Variants in LRRC4C observed in about 807,000 individuals in gnomAD.
LRRC4C encodes leucine-rich repeat-containing protein 4C.
In LRRC4C, 5 loss-of-function variants were observed where a neutral mutation model predicts 33.6. That is an observed-to-expected ratio of 0.15 (90% CI 0.08 to 0.31). LRRC4C has a LOEUF of 0.31. LRRC4C is among the 10% of genes least tolerant of loss of function. The pLI is 1.00. For missense variants in LRRC4C, 560 were observed against 796.7 expected, an observed-to-expected ratio of 0.70 and a Z score of 3.58; for synonymous variants, 329 against 302.0, an observed-to-expected ratio of 1.09 and a Z score of -0.93.
intron 2 of LRRC4C, among the ~76,000 whole-genome samples, chr11:40,859,851 CG>C (rs1302191287): frequency 6.6e-6 from 1 of 151,952 alleles, no homozygotes; most frequent in African/African-American, 2.4e-5. Flanking sequence ...CCGAGGCGGG[CG>C]GATCGCGAGG....
At chr11:40,571,166 C>T (rs1957968752) in intron 3 of LRRC4C, among the ~76,000 whole-genome samples, 1 of 152,000 alleles carries the variant, frequency 6.6e-6, no homozygotes, top group African/African-American at 2.4e-5. Flanking sequence ...ATTTTATAAA[C>T]AGCATATACA....
chr11:40,519,615 G>A (rs74384456), intron 3 of LRRC4C, among the ~76,000 whole-genome samples: 2 of 152,228 alleles, frequency 1.3e-5, no homozygotes, highest in African/African-American at 2.4e-5. Flanking sequence ...CTATTTAGAT[G>A]ACTAACTGTC....
intron 1 of LRRC4C, among the ~76,000 whole-genome samples, chr11:41,065,839 C>G (rs1938193645): frequency 6.6e-6 from 1 of 152,140 alleles, no homozygotes. Context: ...AGAAGAAAAA[C>G]TAACACAGAG....
chr11:41,351,949 C>A (rs751682076), intron 1 of LRRC4C, among the ~76,000 whole-genome samples: 13 of 152,250 alleles, frequency 8.5e-5, no homozygotes, highest in Non-Finnish European at 1.5e-4. Flanking sequence ...ATGACTGACA[C>A]TAAAAAGCAA....
At chr11:40,575,791 G>A (rs943296057) in intron 3 of LRRC4C, among the ~76,000 whole-genome samples, 2 of 152,040 alleles carry the variant, frequency 1.3e-5, no homozygotes, top group Non-Finnish European at 2.9e-5. Flanking sequence ...TATTTAAATA[G>A]GAATATACAA....
chr11:40,837,981 A>G (rs996027373), intron 2 of LRRC4C, among the ~76,000 whole-genome samples: 1 of 152,222 alleles, frequency 6.6e-6, no homozygotes, highest in African/African-American at 2.4e-5. Flanking sequence ...AAAAAATACC[A>G]TTGAAAATAA....
At chr11:41,428,440 G>A (rs914294064) in intron 1 of LRRC4C, among the ~76,000 whole-genome samples, 12 of 151,984 alleles carry the variant, frequency 7.9e-5, no homozygotes, top group African/African-American at 1.2e-4. Context: ...ACAAAAAAAC[G>A]TATTTTTTTT....
At chr11:40,145,135 T>C (rs147141493) in intron 5 of LRRC4C, among the ~76,000 whole-genome samples, 99 of 152,310 alleles carry the variant, frequency 6.5e-4, no homozygotes, top group African/African-American at 2.2e-3. Flanking sequence ...AATAAATGTT[T>C]CTTGAATAAG....
At chr11:41,190,451 G>A (rs1487744106) in intron 1 of LRRC4C, among the ~76,000 whole-genome samples, 1 of 152,124 alleles carries the variant, frequency 6.6e-6, no homozygotes, top group African/African-American at 2.4e-5. Flanking sequence ...CTCGGGCAGG[G>A]TTTTATTCAT....
At chr11:40,725,289 G>A (rs1473040232) in intron 2 of LRRC4C, among the ~76,000 whole-genome samples, 4 of 152,072 alleles carry the variant, frequency 2.6e-5, no homozygotes, top group African/African-American at 7.2e-5. Context: ...GGTGGATCAC[G>A]AGGTCAGGAG....
At chr11:41,057,382 C>T (rs537302979) in intron 1 of LRRC4C, among the ~76,000 whole-genome samples, 1 of 152,278 alleles carries the variant, frequency 6.6e-6, no homozygotes, top group East Asian at 1.9e-4. Flanking sequence ...TCTGCACTGG[C>T]CTGCAGATAC....
intron 1 of LRRC4C, among the ~76,000 whole-genome samples, chr11:41,416,783 G>A (rs11036394): frequency 0.046 from 6,987 of 151,960 alleles, 515 homozygotes; most frequent in African/African-American, 0.16. Context: ...ACTTCATAGC[G>A]CTGCTATGAG....
chr11:41,114,073 C>T (rs139831257), intron 1 of LRRC4C, among the ~76,000 whole-genome samples: 11 of 152,040 alleles, frequency 7.2e-5, no homozygotes, highest in African/African-American at 2.4e-4. Context: ...CTTTTCTGAA[C>T]TCTCGAAAAT....
chr11:40,971,614 C>T (rs1851734236), intron 1 of LRRC4C, among the ~76,000 whole-genome samples: 1 of 152,230 alleles, frequency 6.6e-6, no homozygotes, highest in Non-Finnish European at 1.5e-5. Flanking sequence ...CACAGAGTTC[C>T]CACTGGGGTA....
At chr11:41,146,781 A>G (rs967946865) in intron 1 of LRRC4C, among the ~76,000 whole-genome samples, 2 of 152,254 alleles carry the variant, frequency 1.3e-5, no homozygotes, top group Admixed American at 1.3e-4. Flanking sequence ...AAAAAAATAC[A>G]TAGCCAGGCA....
chr11:40,182,936 A>G (rs1366519906), intron 5 of LRRC4C, among the ~76,000 whole-genome samples: 1 of 152,106 alleles, frequency 6.6e-6, no homozygotes, highest in East Asian at 1.9e-4. Context: ...CTCTCATTTT[A>G]TGGTTTAAAA....
chr11:40,381,860 T>G (rs2137353804), intron 3 of LRRC4C, among the ~76,000 whole-genome samples: 1 of 151,502 alleles, frequency 6.6e-6, no homozygotes, highest in South Asian at 2.1e-4. Context: ...ATTGTGTAAA[T>G]AATCAATTCC....
At chr11:41,316,270 A>AC (rs980385770) in intron 1 of LRRC4C, among the ~76,000 whole-genome samples, 8 of 150,144 alleles carry the variant, frequency 5.3e-5, no homozygotes, top group South Asian at 2.1e-4. Flanking sequence ...GGCAAAAAAA[A>AC]AAAAAAAAAC....
intron 5 of LRRC4C, among the ~76,000 whole-genome samples, chr11:40,195,129 G>T (rs1355877841): frequency 6.6e-6 from 1 of 151,962 alleles, no homozygotes; most frequent in Non-Finnish European, 1.5e-5. Context: ...AAAAAGGAAG[G>T]CTGCAACTCA....
Sources: allele counts gnomAD v4.1 joint callset (sites outside exome capture counted in the v4.1 genomes callset), GRCh38; gene constraint gnomAD v4.1.1; transcripts MANE v1.5; gene names NCBI Gene and HGNC (gene_info 2026-07-23, HGNC 2026-07-21).